ADGRB2: variants seen among roughly 807,000 people sequenced by gnomAD.
ADGRB2 encodes brain-specific angiogenesis inhibitor 2.
Under a neutral mutation model 178.7 loss-of-function variants are expected in ADGRB2, and 47 were observed. The observed-to-expected ratio is 0.26, with a 90% CI of 0.21 to 0.34. The LOEUF (loss-of-function observed/expected upper bound fraction) is 0.34, where lower values mean the gene tolerates loss of function less well. Ranked by LOEUF, ADGRB2 falls within the 10% of genes least tolerant of loss-of-function variation. The pLI is 1.00. For missense variants in ADGRB2, 1,584 were observed against 2,180.8 expected (o/e 0.73, Z 5.45); for synonymous variants, 870 against 912.4 (o/e 0.95, Z 0.84).
At position 31,727,500 on chromosome 1, in the gene ADGRB2, G is replaced by A. The variant is rs976961418; in HGVS notation, c.4678C>T (p.Arg1560Ter). 3.8e-6 allele frequency: 6 copies of A among 1,595,786 alleles called. No individual in the cohort carries two copies. The highest frequency in any genetic ancestry group is 1.4e-5 in the African/African-American group (1 of 73,414). ...GCCCGGTGCAGAGTCAGCCGTTCTC[G>A]GGGCTTGGGGGGCAGCGAGCCCAGT... ...MTLGSLPPKP[R>*]ERLTLHRAAA... is the part of the protein sequence containing the mutation. Residue 1560 changes from arginine to a stop codon, truncating the protein, a stop_gained, in exon 33 of 33, where the codon CGA (arginine) becomes TGA (stop). Transcript: ENST00000373658. LOFTEE classifies it high-confidence loss of function. This position sits in a 1 kb window ranked among gnomAD's most constrained non-coding sequence, Gnocchi z 4.4.
chr1:31,732,990 G>C lies in ADGRB2; in HGVS notation c.3606C>G (p.His1202Gln). ...GCCCCACCTCTCGGCGCAGGAAGCA[G>C]TGCACAGCAGTGATGACAAAGCCCT... ...SAQGFVITAV[H>Q]CFLRREVQDV... Residue 1202 changes from histidine (H) to glutamine (Q), a missense_variant, in exon 26 of 33, where the codon CAC becomes CAG. Transcript: ENST00000373658. 1 of 1,561,284 alleles carries C rather than the reference G, an allele frequency of 6.4e-7. No homozygotes were observed. The highest frequency in any genetic ancestry group is 8.7e-7 in the Non-Finnish European group (1 of 1,153,078).
At chr1:31,748,773 C>T (rs1646408607) in intron 4 of ADGRB2, among the ~76,000 whole-genome samples, 1 of 152,270 alleles carries the variant, frequency 6.6e-6, no homozygotes, top group Non-Finnish European at 1.5e-5. Flanking sequence ...CACTTGACCA[C>T]CTGATAACCT....
At position 31,735,842 on chromosome 1, in the gene ADGRB2, T is replaced by C. The variant is rs1557745496; in HGVS notation, c.3252A>G (p.Ala1084=). 2 of 1,609,514 alleles carry C rather than the reference T, an allele frequency of 1.2e-6. No individual in the cohort carries two copies. Among genetic ancestry groups the C allele is most frequent in the Admixed American group, 1.7e-5 (1 of 59,352 alleles). The change falls in exon 23 of 33, where the codon GCA becomes GCG. Residue 1084 remains alanine (A), a synonymous_variant. Coordinates refer to ENST00000373658, the MANE Select transcript of ADGRB2 (RefSeq NM_001364857.2). This position sits in a 1 kb window ranked among gnomAD's most constrained non-coding sequence, Gnocchi z 6.0. ...GGGCACATACCAGGACAATGACGGCTGCAGGGCCCACAAAGGCGTAGAGCA... is the reference window on the plus strand; with the variant it reads ...GGGCACATACCAGGACAATGACGGCCGCAGGGCCCACAAAGGCGTAGAGCA... ...GGLLYAFVGP[A]AVIVLVNMLI...
chr1:31,738,797 G>A (rs1426062570), intron 16 of ADGRB2, 35 bp downstream of exon 16: 2 of 1,609,260 alleles, frequency 1.2e-6, no homozygotes, highest in African/African-American at 1.3e-5. Flanking sequence ...CCAGGTTGAG[G>A]TGCACCCAAG....
chr1:31,749,650 C>T (rs531284146), intron 4 of ADGRB2, among the ~76,000 whole-genome samples: 91 of 152,342 alleles, frequency 6.0e-4, no homozygotes, highest in Middle Eastern at 6.8e-3. Context: ...AGGTGGCTCA[C>T]GCCTGCAATC....
chr1:31,741,206 T>G lies in ADGRB2; in HGVS notation c.1794+167A>C, dbSNP rs1193727113. 6.6e-6 allele frequency among the ~76,000 whole-genome samples: 1 copy of G among 152,088 alleles called. No homozygotes were observed. Among genetic ancestry groups the G allele is most frequent in the Admixed American group, 6.5e-5 (1 of 15,270 alleles). On this transcript the variant is annotated intron_variant, in intron 11 of 32. Transcript: ENST00000373658. The surrounding 1 kb of genome is among the most constrained non-coding windows in gnomAD (Gnocchi z 6.5). ...AAAGAAGACACTTGAGAGTCAGGCC[T>G]TGAGGTATGAGTAGGAGCTTGCCAG...
intron 1 of ADGRB2, among the ~76,000 whole-genome samples, chr1:31,760,228 G>A (rs916832468): frequency 1.3e-5 from 2 of 152,130 alleles, no homozygotes; most frequent in Admixed American, 6.5e-5. Flanking sequence ...TGATAGAGAG[G>A]AGGATCAAAA....
chr1:31,735,218 G>A lies in ADGRB2; in HGVS notation c.3417C>T (p.Ser1139=). 1 of 1,457,802 alleles carries A rather than the reference G, an allele frequency of 6.9e-7. No individual in the cohort carries two copies. Among genetic ancestry groups the A allele is most frequent in the Non-Finnish European group, 9.1e-7 (1 of 1,100,674 alleles). The allele number at this position is 1,457,802 out of a possible 1,614,324, so 90.3% of individuals were successfully genotyped here. A position where few individuals can be genotyped will look rare whatever the true frequency, so the allele number is the denominator to read the frequency against. The change falls in exon 25 of 33, where the codon AGC becomes AGT. Residue 1139 remains serine, a synonymous_variant. Coordinates refer to ENST00000373658, the MANE Select transcript of ADGRB2 (RefSeq NM_001364857.2). The surrounding 1 kb of genome is among the most constrained non-coding windows in gnomAD (Gnocchi z 6.0). ...LPCSACGAVP[S]PLLSSASARN... Reference sequence around the variant, plus strand: ...TGGCCGAGGCTGAGCTGAGCAGGGGGCTGGGGACCGCTCCACACGCTGAGC... The same window carrying A: ...TGGCCGAGGCTGAGCTGAGCAGGGGACTGGGGACCGCTCCACACGCTGAGC...
chr1:31,757,514 G>T lies in ADGRB2; in HGVS notation c.-190-3C>A. On this transcript the variant is annotated splice_polypyrimidine_tract_variant and splice_region_variant and intron_variant, in intron 1 of 32. Coordinates refer to ENST00000373658, the MANE Select transcript of ADGRB2 (RefSeq NM_001364857.2). ...CATGTATCACTGCTGTGGATTTCCT[G>T]GTTGGAATAAGGGGGAGAGGCACCG... 2.2e-6 allele frequency: 1 copy of T among 448,106 alleles called. No homozygotes were observed. The allele number at this position is 448,106 out of a possible 1,614,324, so 27.8% of individuals were successfully genotyped here. A position where few individuals can be genotyped will look rare whatever the true frequency, so the allele number is the denominator to read the frequency against.
At chr1:31,751,322 A>G (rs1161404427) in intron 4 of ADGRB2, among the ~76,000 whole-genome samples, 1 of 152,198 alleles carries the variant, frequency 6.6e-6, no homozygotes, top group Non-Finnish European at 1.5e-5. Context: ...TGGACTGAGG[A>G]TGTCAGGCTC....
At position 31,740,469 on chromosome 1, in the gene ADGRB2, G is replaced by C; in HGVS notation, c.1867C>G (p.Gln623Glu). ...TAGGTGCGCCGGGCCAGTAGCTCCT[G>C]CAGGCTGCGCACCACCTGCGACATG... ...EGMSQVVRSL[Q>E]ELLARRTYYS... Residue 623 changes from glutamine to glutamate, a missense_variant, in exon 12 of 33, where the codon CAG becomes GAG. Gln to Glu is a conservative substitution (Grantham distance 29, BLOSUM62 2). Transcript: ENST00000373658. The surrounding 1 kb of genome is among the most constrained non-coding windows in gnomAD (Gnocchi z 5.9). 1.9e-6 allele frequency: 3 copies of C among 1,613,448 alleles called. No individual in the cohort carries two copies. Among genetic ancestry groups the C allele is most frequent in the Non-Finnish European group, 2.5e-6 (3 of 1,179,868 alleles).
At chr1:31,745,574 A>C (rs1212511524) in intron 4 of ADGRB2, among the ~76,000 whole-genome samples, 3 of 152,100 alleles carry the variant, frequency 2.0e-5, no homozygotes, top group East Asian at 3.9e-4. Flanking sequence ...CCTCTCCCAC[A>C]ATGGGGTGTC....
At position 31,728,632 on chromosome 1, in the gene ADGRB2, C is replaced by T. The variant is rs748764074; in HGVS notation, c.4382G>A (p.Arg1461Gln). 3.1e-6 allele frequency: 5 copies of T among 1,614,034 alleles called. No homozygotes were observed. Among genetic ancestry groups the T allele is most frequent in the African/African-American group, 1.3e-5 (1 of 75,012 alleles). The change falls in exon 30 of 33, where the codon CGA becomes CAA. Residue 1461 changes from arginine (R) to glutamine (Q), a missense_variant and splice_region_variant. Arg to Gln is a conservative substitution (Grantham distance 43, BLOSUM62 1). Transcript: ENST00000373658. The surrounding 1 kb of genome is among the most constrained non-coding windows in gnomAD (Gnocchi z 6.7). ...CAGGTCTGAATACCGTAATTTCTTT[C>T]GCTGGGAAGGAGCAACAAGGAGGCA... is the stretch of plus-strand genomic sequence containing the variant. ...GSTMKMGSLE[R>Q]KKLRYSDLDF...
chr1:31,759,866 A>G lies in ADGRB2; in HGVS notation c.-190-2355T>C, dbSNP rs948214289. Among the ~76,000 whole-genome samples, 12 of 152,072 alleles carry G rather than the reference A, an allele frequency of 7.9e-5. No homozygotes were observed. The highest frequency in any genetic ancestry group is 1.6e-4 in the Non-Finnish European group (11 of 68,006). ...TGATCCTTGCCTCACAGGCAGCCCA[A>G]GTGGCTCTTAGTCATGATTAACCCC... On this transcript the variant is annotated intron_variant, in intron 1 of 32. Transcript: ENST00000373658. The surrounding 1 kb of genome is among the most constrained non-coding windows in gnomAD (Gnocchi z 4.3).
In ADGRB2 at chr1:31,759,856, A is replaced by G. The variant is rs916843843; in HGVS notation, c.-190-2345T>C. On this transcript the variant is annotated intron_variant, in intron 1 of 32. Transcript: ENST00000373658. This position sits in a 1 kb window ranked among gnomAD's most constrained non-coding sequence, Gnocchi z 4.3. ...CCTAGAAGGATGATCCTTGCCTCAC[A>G]GGCAGCCCAAGTGGCTCTTAGTCAT... is the stretch of plus-strand genomic sequence containing the variant. Among the ~76,000 whole-genome samples the G allele has an allele frequency of 3.3e-5, 5 of 152,246 alleles. No individual in the cohort carries two copies. In the East Asian group the frequency reaches 5.8e-4, roughly 18 times the overall value.
At chr1:31,736,794 GC>G in intron 20 of ADGRB2, 71 bp from the exon 21 acceptor site, 8 of 1,538,388 alleles carry the variant, frequency 5.2e-6, no homozygotes, top group Non-Finnish European at 6.1e-6. Flanking sequence ...GGCTTCCCAC[GC>G]CCGCTGCTGG....
At position 31,741,660 on chromosome 1, in the gene ADGRB2, C is replaced by G. The variant is rs760247435; in HGVS notation, c.1651G>C (p.Glu551Gln). ...LMTWKKAAAGEIIYNKCPPNA... is the reference protein window; with the variant it reads ...LMTWKKAAAGQIIYNKCPPNA... ...GGGGGGCACTTGTTGTAGATGATCT[C>G]GCCAGCAGCTGCCTTCTTCCACGTC... Residue 551 changes from glutamate to glutamine, a missense_variant, in exon 10 of 33, where the codon GAG (glutamate) becomes CAG (glutamine). Glu to Gln is a conservative substitution (Grantham distance 29). This residue lies in a region of ADGRB2 where 657 missense variants were observed against 847.6 expected (regional missense o/e 0.78). Coordinates refer to ENST00000373658, the MANE Select transcript of ADGRB2 (RefSeq NM_001364857.2). This position sits in a 1 kb window ranked among gnomAD's most constrained non-coding sequence, Gnocchi z 6.5. 6.2e-7 allele frequency: 1 copy of G among 1,614,068 alleles called. No homozygotes were observed. The highest frequency in any genetic ancestry group is 8.5e-7 in the Non-Finnish European group (1 of 1,179,986).
intron 27 of ADGRB2, 47 bp downstream of exon 27, chr1:31,732,470 G>T: frequency 6.3e-7 from 1 of 1,593,554 alleles, no homozygotes; most frequent in East Asian, 2.2e-5. Context: ...GATTGGGGTG[G>T]GGGGTGCCCA....
chr1:31,729,257 T>A (rs1252020199), intron 29 of ADGRB2, among the ~76,000 whole-genome samples: 1 of 152,084 alleles, frequency 6.6e-6, no homozygotes, highest in African/African-American at 2.4e-5. Context: ...AAGGCCAACT[T>A]TCCCAGGTTA....
Sources: gnomAD v4.1 joint callset for allele counts (sites outside exome capture counted in the v4.1 genomes callset) on GRCh38, gnomAD v4.1.1 for gene constraint, gnomAD v4.1.1 regional missense constraint, Gnocchi (gnomAD v3.1) non-coding constraint, MANE v1.5 for transcripts, NCBI Gene and HGNC (gene_info 2026-07-23, HGNC 2026-07-21) for gene names.